KANK4: variants seen among roughly 807,000 people sequenced by gnomAD.
The protein encoded by KANK4 is KN motif and ankyrin repeat domains 4, also known as KN motif and ankyrin repeat domain-containing protein 4.
Under a neutral mutation model 80.8 loss-of-function variants are expected in KANK4, and 50 were observed. The ratio of observed to expected loss-of-function variants is 0.62; its 90% CI spans 0.49 to 0.78. KANK4 has a LOEUF of 0.78. Among genes scored for constraint, KANK4 ranks in the 30% least tolerant of loss-of-function variants. KANK4 has a pLI of 0.00. For synonymous variants in KANK4, 465 were observed against 506.9 expected, an observed-to-expected ratio of 0.92 and a Z score of 1.11; for missense variants, 1,196 against 1,240.1, an observed-to-expected ratio of 0.96 and a Z score of 0.53.
intron 1 of KANK4, among the ~76,000 whole-genome samples, chr1:62,301,536 C>T (rs754148847): frequency 3.9e-4 from 59 of 151,916 alleles, no homozygotes; most frequent in African/African-American, 6.5e-4. Flanking sequence ...GGGACTAGAC[C>T]GGACAGAGGC....
At chr1:62,266,124 GA>G (rs1248587453) in intron 6 of KANK4, among the ~76,000 whole-genome samples, 1 of 152,318 alleles carries the variant, frequency 6.6e-6, no homozygotes, top group East Asian at 1.9e-4. Flanking sequence ...AGAGTTTGAT[GA>G]CAGACACTCA....
At chr1:62,286,519 C>T (rs1672567973) in intron 1 of KANK4, among the ~76,000 whole-genome samples, 1 of 152,214 alleles carries the variant, frequency 6.6e-6, no homozygotes, top group Non-Finnish European at 1.5e-5. Flanking sequence ...GAGCTGCCAT[C>T]GCTTCCGAGG....
At chr1:62,278,921 G>A (rs962267497) in intron 2 of KANK4, among the ~76,000 whole-genome samples, 1 of 152,176 alleles carries the variant, frequency 6.6e-6, no homozygotes, top group Non-Finnish European at 1.5e-5. Flanking sequence ...GTTAAGTAGA[G>A]AGCAGATTTA....
At chr1:62,285,976 T>C (rs1054252578) in intron 1 of KANK4, among the ~76,000 whole-genome samples, 3 of 152,178 alleles carry the variant, frequency 2.0e-5, no homozygotes, top group Non-Finnish European at 4.4e-5. Flanking sequence ...TGAGAAGCAC[T>C]GAGAAAGATT....
intron 9 of KANK4, among the ~76,000 whole-genome samples, chr1:62,240,640 G>T (rs1027242916): frequency 2.0e-5 from 3 of 152,118 alleles, no homozygotes; most frequent in Non-Finnish European, 2.9e-5. Context: ...TTGCACTCCA[G>T]CCTGGGCAAC....
rs530277195 is a variant in KANK4 at position 62,263,485 on chromosome 1, G to A, written c.2320-174C>T. The A allele has an allele frequency of 9.6e-6, 6 of 623,154 alleles. No homozygotes were observed. The African/African-American group carries it at 1.1e-4, about 12-fold the overall frequency. 38.6% of individuals were successfully genotyped at this position (623,154 alleles called of 1,614,324 possible). ...GGTTAGGAATGCAGCAACATACTTTGTACTTGTGCGATCAGCCCCCTCTGG... is the reference window on the plus strand; with the variant it reads ...GGTTAGGAATGCAGCAACATACTTTATACTTGTGCGATCAGCCCCCTCTGG... On this transcript the variant is annotated intron_variant, in intron 6 of 9. Coordinates refer to ENST00000371153, the MANE Select transcript of KANK4 (RefSeq NM_181712.5).
intron 6 of KANK4, 88 bp from the exon 7 acceptor site, chr1:62,263,399 G>T: frequency 1.9e-6 from 2 of 1,055,242 alleles, no homozygotes; most frequent in Non-Finnish European, 2.8e-6. Flanking sequence ...TTTGGCCTCT[G>T]TCCCTGCAGC....
chr1:62,262,858 G>A (rs1671919406), intron 7 of KANK4, among the ~76,000 whole-genome samples: 1 of 152,100 alleles, frequency 6.6e-6, no homozygotes, highest in Non-Finnish European at 1.5e-5. Context: ...TTATACCAGA[G>A]AGTCAGAAGA....
chr1:62,294,834 A>G (rs895541861), intron 1 of KANK4, among the ~76,000 whole-genome samples: 4 of 152,252 alleles, frequency 2.6e-5, no homozygotes, highest in Admixed American at 6.5e-5. Flanking sequence ...ATCATCAGAG[A>G]TGAATCAAAG....
chr1:62,278,731 C>A (rs7551135), intron 2 of KANK4, among the ~76,000 whole-genome samples: 10 of 151,650 alleles, frequency 6.6e-5, no homozygotes, highest in Non-Finnish European at 1.3e-4. Flanking sequence ...CTTGCTCCCC[C>A]ACCTTCCCAT....
rs528837317 is a variant in KANK4, at chr1:62,290,680, C to T, written c.-70-9046G>A. 1.2e-4 allele frequency among the ~76,000 whole-genome samples: 19 copies of T among 152,086 alleles called. No homozygotes were observed. The South Asian group carries it at 3.7e-3, about 30-fold the overall frequency. On this transcript the variant is annotated intron_variant, in intron 1 of 9. Coordinates refer to ENST00000371153, the MANE Select transcript of KANK4 (RefSeq NM_181712.5). Reference sequence around the variant, plus strand: ...TAGCATGATGGGAATTCAATAAAAACGTGTTGAATCAAATAAATAGATGGA... The same window carrying T: ...TAGCATGATGGGAATTCAATAAAAATGTGTTGAATCAAATAAATAGATGGA...
chr1:62,268,220 C>T (rs374641208), intron 5 of KANK4, 67 bp downstream of exon 5: 52 of 1,227,994 alleles, frequency 4.2e-5, no homozygotes, highest in African/African-American at 3.6e-4. Flanking sequence ...ATCGCATGAA[C>T]GGGTAGATAT....
intron 7 of KANK4, among the ~76,000 whole-genome samples, chr1:62,259,445 C>A (rs904402756): frequency 1.3e-5 from 2 of 152,078 alleles, no homozygotes; most frequent in African/African-American, 4.8e-5. Context: ...CCTGGCTAAT[C>A]TTCGTATTTT....
chr1:62,288,035 G>C (rs561172193), intron 1 of KANK4, among the ~76,000 whole-genome samples: 179 of 152,282 alleles, frequency 1.2e-3, no homozygotes, highest in African/African-American at 4.0e-3. Context: ...GAGGCACGCA[G>C]CATTTCTCTA....
At chr1:62,238,441 A>G in intron 9 of KANK4, 60 bp from the exon 10 acceptor site, 1 of 1,475,010 alleles carries the variant, frequency 6.8e-7, no homozygotes, top group Non-Finnish European at 9.4e-7. Context: ...TGCCTGGGGG[A>G]GAAGGGCAAG....
intron 6 of KANK4, among the ~76,000 whole-genome samples, chr1:62,265,547 T>C (rs1240994595): frequency 6.6e-6 from 1 of 152,184 alleles, no homozygotes; most frequent in Admixed American, 6.6e-5. Context: ...TGGCCCTACA[T>C]ATTGGTTCTT....
intron 1 of KANK4, among the ~76,000 whole-genome samples, chr1:62,284,267 G>A (rs767161205): frequency 2.8e-4 from 42 of 152,158 alleles, no homozygotes; most frequent in Non-Finnish European, 5.4e-4. Flanking sequence ...ATGCTACCTT[G>A]TTTGCAATAA....
In KANK4 at chr1:62,236,239, C is replaced by T. The variant is rs548204103; in HGVS notation, c.*2038G>A. On this transcript the variant is annotated 3_prime_UTR_variant, in exon 10 of 10. Transcript: ENST00000371153. ...TGCTACTCAAAGTGTGGTTGTGGCT[C>T]GATAGCATCAGCATCTCCCAGGACC... 1.8e-4 allele frequency among the ~76,000 whole-genome samples: 27 copies of T among 152,112 alleles called. No individual in the cohort carries two copies. The highest frequency in any genetic ancestry group is 3.7e-4 in the Non-Finnish European group (25 of 68,024).
rs1421588585 is a variant in KANK4, at chr1:62,236,933, G to C, written c.*1344C>G. The C allele has an allele frequency of 6.6e-6, 1 of 151,996 alleles. No homozygotes were observed. Among genetic ancestry groups the C allele is most frequent in the African/African-American group, 2.4e-5 (1 of 41,360 alleles). 9.4% of individuals were successfully genotyped at this position (151,996 alleles called of 1,614,324 possible). A position where few individuals can be genotyped will look rare whatever the true frequency, so the allele number is the denominator to read the frequency against. On this transcript the variant is annotated 3_prime_UTR_variant, in exon 10 of 10. Transcript: ENST00000371153. ...TTGAAACTTCCATCAGCTGCTTCTT[G>C]TGCAGCACCTCCCAGGAGGTAGGTT...
Sources: allele counts gnomAD v4.1 joint callset (sites outside exome capture counted in the v4.1 genomes callset), GRCh38; gene constraint gnomAD v4.1.1; transcripts MANE v1.5; gene names NCBI Gene and HGNC (gene_info 2026-07-23, HGNC 2026-07-21).